GRPEL2: variants seen among roughly 807,000 people sequenced by gnomAD.
The protein encoded by GRPEL2 is GrpE like 2, mitochondrial.
Under a neutral mutation model 25.9 loss-of-function variants are expected in GRPEL2, and 18 were observed. The observed-to-expected ratio is 0.70, with a 90% CI of 0.48 to 1.03. GRPEL2 has a LOEUF of 1.03. Ranked by LOEUF, GRPEL2 falls within the 50% of genes least tolerant of loss-of-function variation. The pLI is 0.00. For missense variants in GRPEL2, 247 were observed against 276.2 expected (o/e 0.89, Z 0.75); for synonymous variants, 106 against 107.9 (o/e 0.98, Z 0.11).
In GRPEL2 at chr5:149,345,672, C is replaced by A; in HGVS notation, c.77+56C>A. The stretch of plus-strand genomic sequence containing the variant: ...TGAGGACTCTGAGGGGCTAGCGAGC[C>A]AGCCGGGGTGGTTGTGGGCTGGAAG... On this transcript the variant is annotated intron_variant, in intron 1 of 3. Coordinates refer to ENST00000329271, the MANE Select transcript of GRPEL2 (RefSeq NM_152407.4). The A allele has an allele frequency of 3.4e-6, 5 of 1,450,604 alleles. No homozygotes were observed. The South Asian group carries it at 3.7e-5, about 11-fold the overall frequency. 89.9% of individuals were successfully genotyped at this position (1,450,604 alleles called of 1,614,324 possible).
At position 149,349,691 on chromosome 5, in the gene GRPEL2, TAAG is replaced by T. The variant is rs759678955; in HGVS notation, c.270_272del (p.Ile90_Arg91delinsMet). ...AGAGCTATAGCTGATTGTGAAAACATAAGGAGGCGAACCCAGAGATGTGTGGAA... is the reference window on the plus strand; with the variant it reads ...AGAGCTATAGCTGATTGTGAAAACATGAGGCGAACCCAGAGATGTGTGGAA... On this transcript the variant is annotated inframe_deletion, in exon 3 of 4. Transcript: ENST00000329271. The T allele has an allele frequency of 3.1e-6, 5 of 1,613,654 alleles. No individual in the cohort carries two copies. Among genetic ancestry groups the T allele is most frequent in the African/African-American group, 1.3e-5 (1 of 75,024 alleles).
intron 2 of GRPEL2, among the ~76,000 whole-genome samples, chr5:149,348,658 C>G (rs1757726942): frequency 6.6e-6 from 1 of 152,136 alleles, no homozygotes; most frequent in Admixed American, 6.5e-5. Flanking sequence ...TATGTCACAG[C>G]ACTTAGATAT....
At position 149,353,665 on chromosome 5, in the gene GRPEL2, A is replaced by T. The variant is rs1757812358; in HGVS notation, c.*2383A>T. 1 of 150,872 alleles carries T rather than the reference A, an allele frequency of 6.6e-6. No individual in the cohort carries two copies. The highest frequency in any genetic ancestry group is 2.4e-5 in the African/African-American group (1 of 40,978). The allele number at this position is 150,872 out of a possible 1,614,324, so 9.3% of individuals were successfully genotyped here. On this transcript the variant is annotated 3_prime_UTR_variant, in exon 4 of 4. Coordinates refer to ENST00000329271, the MANE Select transcript of GRPEL2 (RefSeq NM_152407.4). ...ATTGTCCAGGCTAGAAGAATTTTCT[A>T]ATGGTCTATTACACCTCCCGTTTTG...
In GRPEL2 at chr5:149,353,780, T is replaced by A. The variant is rs1326107964; in HGVS notation, c.*2498T>A. 1 of 152,210 alleles carries A rather than the reference T, an allele frequency of 6.6e-6. No homozygotes were observed. The highest frequency in any genetic ancestry group is 1.5e-5 in the Non-Finnish European group (1 of 68,040). 9.4% of individuals were successfully genotyped at this position (152,210 alleles called of 1,614,324 possible). A position where few individuals can be genotyped will look rare whatever the true frequency, so the allele number is the denominator to read the frequency against. On this transcript the variant is annotated 3_prime_UTR_variant, in exon 4 of 4. Transcript: ENST00000329271. The stretch of plus-strand genomic sequence containing the variant: ...TAAATTTAGAATTAGAAGATGAAGC[T>A]ATAGTAGTAAGAATCTCAAGCTGAA...
rs773784789 is a variant in GRPEL2 at position 149,351,476 on chromosome 5, G to A, written c.*194G>A. On this transcript the variant is annotated 3_prime_UTR_variant, in exon 4 of 4. Coordinates refer to ENST00000329271, the MANE Select transcript of GRPEL2 (RefSeq NM_152407.4). ...GTCTCATCAGAAGTCTTACCATTGG[G>A]CATTTGAACAGTGTGACAGGTGTTC... is the stretch of plus-strand genomic sequence containing the variant. The A allele has an allele frequency of 1.8e-6, 1 of 571,238 alleles. No individual in the cohort carries two copies. Among genetic ancestry groups the A allele is most frequent in the Non-Finnish European group, 3.0e-6 (1 of 335,864 alleles). 35.4% of individuals were successfully genotyped at this position (571,238 alleles called of 1,614,324 possible).
chr5:149,347,274 T>C (rs997688201), intron 1 of GRPEL2, among the ~76,000 whole-genome samples: 1 of 152,218 alleles, frequency 6.6e-6, no homozygotes, highest in African/African-American at 2.4e-5. Flanking sequence ...CAGGATGCTC[T>C]TCCCTTTTCT....
At chr5:149,346,868 G>A (rs1757699069) in intron 1 of GRPEL2, among the ~76,000 whole-genome samples, 1 of 151,128 alleles carries the variant, frequency 6.6e-6, no homozygotes, top group Admixed American at 6.6e-5. Flanking sequence ...CTCCCGAGTA[G>A]CTGGGACTAC....
At position 149,348,267 on chromosome 5, in the gene GRPEL2, T is replaced by C. The variant is rs543051650; in HGVS notation, c.78-5T>C. ...TCATTATGTGCCACCTCCTTCCTGTTTTAGGGGATGGCCGCTTCCATTCAG... is the reference window on the plus strand; with the variant it reads ...TCATTATGTGCCACCTCCTTCCTGTCTTAGGGGATGGCCGCTTCCATTCAG... On this transcript the variant is annotated splice_polypyrimidine_tract_variant and splice_region_variant and intron_variant, in intron 1 of 3. Transcript: ENST00000329271. 3 of 1,589,450 alleles carry C rather than the reference T, an allele frequency of 1.9e-6. No homozygotes were observed. The highest frequency in any genetic ancestry group is 2.6e-6 in the Non-Finnish European group (3 of 1,173,446).
intron 3 of GRPEL2, chr5:149,349,941 G>A: frequency 5.4e-6 from 3 of 560,420 alleles, no homozygotes; most frequent in Non-Finnish European, 9.4e-6. Context: ...CTACTCTGGA[G>A]GCTGAGGCAC....
chr5:149,345,532 T>C lies in GRPEL2; in HGVS notation c.-8T>C, dbSNP rs1353019338. On this transcript the variant is annotated 5_prime_UTR_variant, in exon 1 of 4. Transcript: ENST00000329271. ...CGCGTGCGCTGCCTCTCAGCCCAAA[T>C]TGGAAACATGGCCGTACGGTCGCTG... The C allele has an allele frequency of 3.1e-6, 5 of 1,610,026 alleles. No homozygotes were observed. In the South Asian group the frequency reaches 4.4e-5, roughly 14 times the overall value.
chr5:149,350,879 T>C (rs1395325504), intron 3 of GRPEL2, 39 bp from the exon 4 acceptor site: 1 of 1,601,998 alleles, frequency 6.2e-7, no homozygotes, highest in East Asian at 2.2e-5. Context: ...GGCAGAGTGA[T>C]TTCCTCACAA....
In GRPEL2 at chr5:149,353,313, GA is replaced by G. The variant is rs755655234; in HGVS notation, c.*2032del. The G allele has an allele frequency of 1.3e-5, 2 of 152,460 alleles. No homozygotes were observed. Among genetic ancestry groups the G allele is most frequent in the African/African-American group, 2.4e-5 (1 of 41,432 alleles). 9.4% of individuals were successfully genotyped at this position (152,460 alleles called of 1,614,324 possible). Reference sequence around the variant, plus strand: ...TGTCTTTTTTTGCCTTCCATTCTGTGAGATTTGACAGATGGTGACAATAAGA... The same window carrying G: ...TGTCTTTTTTTGCCTTCCATTCTGTGGATTTGACAGATGGTGACAATAAGA... On this transcript the variant is annotated 3_prime_UTR_variant, in exon 4 of 4. Transcript: ENST00000329271.
rs1757822221 is a variant in GRPEL2, at chr5:149,354,280, G to C, written c.*2998G>C. On this transcript the variant is annotated 3_prime_UTR_variant, in exon 4 of 4. Coordinates refer to ENST00000329271, the MANE Select transcript of GRPEL2 (RefSeq NM_152407.4). ...TAGTGAAAAGACATTGACTTGAGAT[G>C]ATACTAAGGAAGCTTTGGCTCACTC... is the stretch of plus-strand genomic sequence containing the variant. 1.3e-5 allele frequency: 2 copies of C among 152,186 alleles called. No individual in the cohort carries two copies. The highest frequency in any genetic ancestry group is 4.1e-4 in the South Asian group (2 of 4,830). 9.4% of individuals were successfully genotyped at this position (152,186 alleles called of 1,614,324 possible).
chr5:149,345,668 G>A, intron 1 of GRPEL2, 52 bp downstream of exon 1: 1 of 1,469,046 alleles, frequency 6.8e-7, no homozygotes. Flanking sequence ...AGGGGCTAGC[G>A]AGCCAGCCGG....
intron 3 of GRPEL2, among the ~76,000 whole-genome samples, chr5:149,350,299 T>C (rs972098131): frequency 6.6e-6 from 1 of 152,236 alleles, no homozygotes; most frequent in African/African-American, 2.4e-5. Context: ...TTTTGTCTTG[T>C]AACAGTTCGT....
rs1035277155 is a variant in GRPEL2, at chr5:149,354,326, G to T, written c.*3044G>T. 3 of 152,154 alleles carry T rather than the reference G, an allele frequency of 2.0e-5. No individual in the cohort carries two copies. The allele number at this position is 152,154 out of a possible 1,614,324, so 9.4% of individuals were successfully genotyped here. ...CACTCTCACTTGAAGAGGGGATCTT[G>T]GTGTTGTAGTACTTGGACTGTACAA... On this transcript the variant is annotated 3_prime_UTR_variant, in exon 4 of 4. Coordinates refer to ENST00000329271, the MANE Select transcript of GRPEL2 (RefSeq NM_152407.4).
At chr5:149,345,822 G>T (rs1012412777) in intron 1 of GRPEL2, 9 of 593,698 alleles carry the variant, frequency 1.5e-5, no homozygotes, top group African/African-American at 1.5e-4. Flanking sequence ...TTAGGCCGAG[G>T]AAGGTAAGGA....
In GRPEL2 at chr5:149,351,230, C is replaced by A; in HGVS notation, c.626C>A (p.Thr209Asn). Residue 209 changes from threonine (T) to asparagine (N), a missense_variant, in exon 4 of 4, where the codon ACC (threonine) becomes AAC (asparagine). By Grantham distance (65) the Thr-to-Asn change is moderately conservative (BLOSUM62 0). Around this residue, in one of 2 missense-constraint regions of GRPEL2, gnomAD observed 122 missense variants for 169.2 expected, o/e 0.72. Transcript: ENST00000329271. ...GATGGCTACAAACTTCATGGCCGCA[C>A]CATTAGGCTTGCCCGAGTGGAAGTG... ...RQDGYKLHGR[T>N]IRLARVEVAV... 4 of 1,613,368 alleles carry A rather than the reference C, an allele frequency of 2.5e-6. No homozygotes were observed. The highest frequency in any genetic ancestry group is 3.4e-6 in the Non-Finnish European group (4 of 1,179,362).
At chr5:149,348,123 A>G (rs571937383) in intron 1 of GRPEL2, 149 bp from the exon 2 acceptor site, 9 of 634,318 alleles carry the variant, frequency 1.4e-5, no homozygotes, top group South Asian at 1.1e-4. Context: ...GGTACATGGT[A>G]AGGACTTCGT....
Sources: allele counts gnomAD v4.1 joint callset (sites outside exome capture counted in the v4.1 genomes callset), GRCh38; gene constraint gnomAD v4.1.1; regional missense constraint gnomAD v4.1.1; transcripts MANE v1.5; gene names NCBI Gene and HGNC (gene_info 2026-07-23, HGNC 2026-07-21).